The following TATDN2 variants were observed in gnomAD, a reference collection of about 807,000 sequenced individuals.
The protein encoded by TATDN2 is TatD DNase domain containing 2.
Under a neutral mutation model 60.3 loss-of-function variants are expected in TATDN2, and 44 were observed. The observed-to-expected ratio is 0.73, with a 90% confidence interval of 0.57 to 0.94. The LOEUF is 0.94. Ranked by LOEUF, TATDN2 falls within the 40% of genes least tolerant of loss-of-function variation. The pLI is 0.00. For synonymous variants in TATDN2, 399 were observed against 355.8 expected, an observed-to-expected ratio of 1.12 and a Z score of -1.37; for missense variants, 997 against 948.0, an observed-to-expected ratio of 1.05 and a Z score of -0.68.
chr3:10,264,229 G>T (rs77250770), intron 3 of TATDN2, among the ~76,000 whole-genome samples: 2,028 of 152,198 alleles, frequency 0.013, 49 homozygotes, highest in East Asian at 0.081. Flanking sequence ...AGTTCCTCCA[G>T]TTCCCAAGGT....
Position 10,278,331 on chromosome 3 carries a change from C to A in TATDN2, c.2014C>A (p.Pro672Thr). ...CATTGAGCCCCTGCTGAAGTACTTT[C>A]CCAACATGTCTGTGGGCTTCACGGC... is the stretch of plus-strand genomic sequence containing the variant. ...PVIEPLLKYF[P>T]NMSVGFTAVL... is the part of the protein sequence containing the mutation. The change falls in exon 6 of 8, where the codon CCC (proline) becomes ACC (threonine). Residue 672 changes from proline (P) to threonine (T), a missense_variant. Pro to Thr is a conservative substitution (Grantham distance 38). Transcript: ENST00000448281. The surrounding 1 kb of genome is among the most constrained non-coding windows in gnomAD (Gnocchi z 4.7). 2 of 1,614,198 alleles carry A rather than the reference C, an allele frequency of 1.2e-6. No homozygotes were observed. Among genetic ancestry groups the A allele is most frequent in the Non-Finnish European group, 1.7e-6 (2 of 1,180,024 alleles).
At chr3:10,262,316 C>T (rs1288858969) in intron 3 of TATDN2, among the ~76,000 whole-genome samples, 2 of 152,140 alleles carry the variant, frequency 1.3e-5, no homozygotes, top group Non-Finnish European at 2.9e-5. Context: ...TCATGTTCTT[C>T]TTCCTTGGTT....
At chr3:10,264,057 T>C (rs1287977040) in intron 3 of TATDN2, among the ~76,000 whole-genome samples, 1 of 152,180 alleles carries the variant, frequency 6.6e-6, no homozygotes, top group African/African-American at 2.4e-5. Context: ...GCAGTACCAG[T>C]GCCCTCCACT....
Position 10,270,619 on chromosome 3 carries a change from C to T in TATDN2, c.1437C>T (p.Ser479=). Residue 479 remains serine, a synonymous_variant, in exon 4 of 8, where the codon TCC becomes TCT. Transcript: ENST00000448281. ...CGCGTCCTTGTGGAGGACACGCATCCAGCTCCCTGCCAAAGAGCCACCTGG... is the reference window on the plus strand; with the variant it reads ...CGCGTCCTTGTGGAGGACACGCATCTAGCTCCCTGCCAAAGAGCCACCTGG... The part of the protein sequence containing the change: ...MPPRPCGGHA[S]SSLPKSHLEP... The T allele has an allele frequency of 6.2e-7, 1 of 1,614,240 alleles. No individual in the cohort carries two copies. The highest frequency in any genetic ancestry group is 2.2e-5 in the East Asian group (1 of 44,890).
Position 10,270,872 on chromosome 3 carries a change from C to A in TATDN2, c.1690C>A (p.His564Asn). 1 of 1,614,176 alleles carries A rather than the reference C, an allele frequency of 6.2e-7. No individual in the cohort carries two copies. Among genetic ancestry groups the A allele is most frequent in the Non-Finnish European group, 8.5e-7 (1 of 1,180,032 alleles). ...TCTGGTCTGGGGGGCCTTTGGCTGT[C>A]ACCCTCATTTTGCACGTTACTACAG... ...EDLVWGAFGC[H>N]PHFARYYSES... Residue 564 changes from histidine to asparagine, a missense_variant, in exon 4 of 8, where the codon CAC becomes AAC. By Grantham distance (68) the His-to-Asn change is moderately conservative (BLOSUM62 1). Transcript: ENST00000448281.
Position 10,270,344 on chromosome 3 carries a change from A to G in TATDN2, c.1162A>G (p.Ser388Gly). 1 of 1,614,204 alleles carries G rather than the reference A, an allele frequency of 6.2e-7. No individual in the cohort carries two copies. Among genetic ancestry groups the G allele is most frequent in the Non-Finnish European group, 8.5e-7 (1 of 1,180,032 alleles). The change falls in exon 4 of 8, where the codon AGC becomes GGC. Residue 388 changes from serine (S) to glycine (G), a missense_variant. Coordinates refer to ENST00000448281, the MANE Select transcript of TATDN2 (RefSeq NM_014760.4). ...PWCDYASYWT[S>G]SPKPSSYPST... ...GTGTGACTACGCCAGCTATTGGACC[A>G]GCAGCCCCAAGCCTTCTAGCTACCC...
intron 5 of TATDN2, 96 bp downstream of exon 5, chr3:10,276,584 A>C: frequency 6.9e-7 from 1 of 1,447,358 alleles, no homozygotes; most frequent in East Asian, 2.5e-5. Context: ...ATTATACACT[A>C]TCTATTCTTT....
chr3:10,274,445 C>G (rs948740601), intron 4 of TATDN2, among the ~76,000 whole-genome samples: 1 of 152,156 alleles, frequency 6.6e-6, no homozygotes, highest in Admixed American at 6.5e-5. Flanking sequence ...GTGAAATTTT[C>G]CCATTCATCA....
chr3:10,271,773 C>A (rs1322229547), intron 4 of TATDN2, among the ~76,000 whole-genome samples: 1 of 152,116 alleles, frequency 6.6e-6, no homozygotes, highest in African/African-American at 2.4e-5. Context: ...GGCAGTGGCA[C>A]GATCTCGGCT....
At chr3:10,276,303 G>T (rs372251951) in intron 4 of TATDN2, 58 bp from the exon 5 acceptor site, 9 of 1,600,848 alleles carry the variant, frequency 5.6e-6, no homozygotes, top group Non-Finnish European at 7.7e-6. Context: ...CGTTCCAGAG[G>T]TGATGGACTT....
intron 2 of TATDN2, among the ~76,000 whole-genome samples, chr3:10,254,719 C>T (rs1351130077): frequency 6.6e-6 from 1 of 152,172 alleles, no homozygotes; most frequent in Non-Finnish European, 1.5e-5. Context: ...CTTCAGGCTA[C>T]TGGTGATAGG....
At chr3:10,269,661 A>G (rs987223417) in intron 3 of TATDN2, among the ~76,000 whole-genome samples, 1 of 152,110 alleles carries the variant, frequency 6.6e-6, no homozygotes, top group African/African-American at 2.4e-5. Flanking sequence ...AGATCTCACC[A>G]CCGCATTCCA....
chr3:10,259,925 C>T (rs1277808379), intron 2 of TATDN2, among the ~76,000 whole-genome samples: 1 of 152,190 alleles, frequency 6.6e-6, no homozygotes, highest in African/African-American at 2.4e-5. Flanking sequence ...GAAAGGATAT[C>T]ATCTGCTGAG....
At chr3:10,263,036 G>C (rs1381768324) in intron 3 of TATDN2, among the ~76,000 whole-genome samples, 2 of 152,080 alleles carry the variant, frequency 1.3e-5, no homozygotes, top group African/African-American at 4.8e-5. Context: ...GAGTAGCTGG[G>C]ATTACAGGCA....
chr3:10,275,493 A>C (rs2125181178), intron 4 of TATDN2, among the ~76,000 whole-genome samples: 1 of 152,280 alleles, frequency 6.6e-6, no homozygotes, highest in African/African-American at 2.4e-5. Flanking sequence ...CATGCCTGTA[A>C]TCCCAGCACT....
chr3:10,257,125 A>G (rs1337460077), intron 2 of TATDN2, among the ~76,000 whole-genome samples: 2 of 65,754 alleles, frequency 3.0e-5, no homozygotes, highest in Non-Finnish European at 4.5e-5. Context: ...AAAAATACCA[A>G]AAAAAAATTA....
In TATDN2 at chr3:10,272,872, C is replaced by CAA. The variant is rs796447999; in HGVS notation, c.1833+1873_1833+1874dup. Among the ~76,000 whole-genome samples, 885 of 133,626 alleles carry CAA rather than the reference C, an allele frequency of 6.6e-3. 13 individuals carry two copies. Among genetic ancestry groups the CAA allele is most frequent in the South Asian group, 0.045 (193 of 4,274 alleles). 87.7% of individuals were successfully genotyped at this position (133,626 alleles called of 152,430 possible). A position where few individuals can be genotyped will look rare whatever the true frequency, so the allele number is the denominator to read the frequency against. Reference sequence around the variant, plus strand: ...CAACATGGTGAAACCCTATCTCTACCAAAAAAAAAAAAAAAAATTAGCTGG... The same window carrying CAA: ...CAACATGGTGAAACCCTATCTCTACCAAAAAAAAAAAAAAAAAAATTAGCTGG... On this transcript the variant is annotated intron_variant, in intron 4 of 7. Coordinates refer to ENST00000448281, the MANE Select transcript of TATDN2 (RefSeq NM_014760.4).
Position 10,260,540 on chromosome 3 carries a change from G to A in TATDN2, c.818G>A (p.Arg273Lys). The change falls in exon 3 of 8, where the codon AGG becomes AAG. Residue 273 changes from arginine (R) to lysine (K), a missense_variant. Arg to Lys is a conservative substitution (Grantham distance 26). Coordinates refer to ENST00000448281, the MANE Select transcript of TATDN2 (RefSeq NM_014760.4). The stretch of plus-strand genomic sequence containing the variant: ...CCAGAGAGGAGCAGCTTCTATGACA[G>A]GAGAGTAGTTATAGACCCTCAAGAG... ...TVPERSSFYDRRVVIDPQEKP... is the reference protein window; with the variant it reads ...TVPERSSFYDKRVVIDPQEKP... 1 of 1,614,176 alleles carries A rather than the reference G, an allele frequency of 6.2e-7. No homozygotes were observed. Among genetic ancestry groups the A allele is most frequent in the Non-Finnish European group, 8.5e-7 (1 of 1,180,036 alleles).
In TATDN2 at chr3:10,279,739, G is replaced by C. The variant is rs186131246; in HGVS notation, c.*557G>C. On this transcript the variant is annotated 3_prime_UTR_variant, in exon 8 of 8. Coordinates refer to ENST00000448281, the MANE Select transcript of TATDN2 (RefSeq NM_014760.4). ...CCTTCCCTGGATAACTCTTCAGTTT[G>C]ACTGTCACTGTTCTGGTGTCAACTC... 2.7e-4 allele frequency: 41 copies of C among 152,464 alleles called. No homozygotes were observed. Among genetic ancestry groups the C allele is most frequent in the African/African-American group, 9.6e-4 (40 of 41,520 alleles). The allele number at this position is 152,464 out of a possible 1,614,324, so 9.4% of individuals were successfully genotyped here. A position where few individuals can be genotyped will look rare whatever the true frequency, so the allele number is the denominator to read the frequency against.
Sources: gnomAD v4.1 joint callset for allele counts (sites outside exome capture counted in the v4.1 genomes callset) on GRCh38, gnomAD v4.1.1 for gene constraint, Gnocchi (gnomAD v3.1) non-coding constraint, MANE v1.5 for transcripts, NCBI Gene and HGNC (gene_info 2026-07-23, HGNC 2026-07-21) for gene names.